BABAM2: variants seen among roughly 807,000 people sequenced by gnomAD.
The protein encoded by BABAM2 is BRISC and BRCA1-A complex member 2.
In BABAM2, 31 loss-of-function variants were observed where a neutral mutation model predicts 54.7. That is an observed-to-expected ratio of 0.57 (90% confidence interval 0.43 to 0.77). The LOEUF (loss-of-function observed/expected upper bound fraction) is 0.77, where lower values mean the gene tolerates loss of function less well. Ranked by LOEUF, BABAM2 falls within the 30% of genes least tolerant of loss-of-function variation. The pLI is 0.00. For missense variants in BABAM2, 364 were observed against 455.8 expected, an observed-to-expected ratio of 0.80 and a Z score of 1.83; for synonymous variants, 167 against 162.9, an observed-to-expected ratio of 1.03 and a Z score of -0.19.
intron 10 of BABAM2, among the ~76,000 whole-genome samples, chr2:28,245,236 G>A (rs937489157): frequency 6.6e-6 from 1 of 152,090 alleles, no homozygotes; most frequent in Non-Finnish European, 1.5e-5. Context: ...TCTCAGTATT[G>A]CCAAGCTAGA....
At chr2:27,935,993 A>G (rs1285808298) in intron 3 of BABAM2, among the ~76,000 whole-genome samples, 1 of 152,174 alleles carries the variant, frequency 6.6e-6, no homozygotes, top group Non-Finnish European at 1.5e-5. Context: ...ATCTTAGCTC[A>G]CTACAACTTC....
intron 2 of BABAM2, among the ~76,000 whole-genome samples, chr2:27,919,293 C>G (rs1667193504): frequency 6.6e-6 from 1 of 152,202 alleles, no homozygotes; most frequent in South Asian, 2.1e-4. Context: ...TTCACAGTCA[C>G]ATTTTCTGCA....
intron 3 of BABAM2, among the ~76,000 whole-genome samples, chr2:27,962,644 AT>A: frequency 6.6e-6 from 1 of 152,332 alleles, no homozygotes; most frequent in East Asian, 1.9e-4. Context: ...GAAATTTGAT[AT>A]GGTCAAAAGC....
chr2:28,079,158 T>C (rs571669526), intron 6 of BABAM2, among the ~76,000 whole-genome samples: 54 of 152,256 alleles, frequency 3.5e-4, no homozygotes, highest in Non-Finnish European at 6.6e-4. Flanking sequence ...TCAAGAACCA[T>C]TAAGTGTGCC....
chr2:28,016,194 CT>C lies in BABAM2; in HGVS notation c.301-9026del, dbSNP rs1487430737. 6 of 1,124,278 alleles carry C rather than the reference CT, an allele frequency of 5.3e-6. No individual in the cohort carries two copies. In the East Asian group the frequency reaches 1.6e-4, roughly 30 times the overall value. 69.6% of individuals were successfully genotyped at this position (1,124,278 alleles called of 1,614,324 possible). A position where few individuals can be genotyped will look rare whatever the true frequency, so the allele number is the denominator to read the frequency against. On this transcript the variant is annotated intron_variant, in intron 4 of 11. Transcript: ENST00000379624. ...AAGATGAATACTTACCAGATTTCTT[CT>C]TTTTTCTTTCTCTGTCTTTTTTTGG...
In BABAM2 at chr2:28,133,557, C is replaced by T. The variant is rs375444591; in HGVS notation, c.680+4177C>T. Among the ~76,000 whole-genome samples the T allele has an allele frequency of 5.0e-4, 76 of 152,282 alleles. No individual in the cohort carries two copies. In the East Asian group the frequency reaches 0.012, roughly 24 times the overall value. ...CCCCATCCACACTGGGTAAAAATTA[C>T]CAAGAGAAGGCTTGCATTCCCACCA... On this transcript the variant is annotated intron_variant, in intron 7 of 11. Coordinates refer to ENST00000379624, the MANE Select transcript of BABAM2 (RefSeq NM_199191.3).
At chr2:28,333,807 C>T (rs1342091445) in intron 11 of BABAM2, among the ~76,000 whole-genome samples, 5 of 152,170 alleles carry the variant, frequency 3.3e-5, no homozygotes, top group African/African-American at 9.7e-5. Context: ...CTTCACTATC[C>T]CCTAGAACAC....
intron 6 of BABAM2, among the ~76,000 whole-genome samples, chr2:28,069,703 T>C (rs1663947607): frequency 6.6e-6 from 1 of 152,222 alleles, no homozygotes; most frequent in African/African-American, 2.4e-5. Context: ...ATTGGTTGCA[T>C]GCCTTGGCTT....
intron 3 of BABAM2, among the ~76,000 whole-genome samples, chr2:27,932,057 C>G (rs1245759867): frequency 6.6e-6 from 1 of 151,952 alleles, no homozygotes; most frequent in East Asian, 1.9e-4. Context: ...TGAATTTGAC[C>G]TTGTTTTGTA....
intron 7 of BABAM2, among the ~76,000 whole-genome samples, chr2:28,141,731 C>CA (rs1671080469): frequency 6.6e-6 from 1 of 152,132 alleles, no homozygotes; most frequent in Non-Finnish European, 1.5e-5. Context: ...CCCTAGCTCT[C>CA]AGATTTTCCA....
intron 7 of BABAM2, chr2:28,233,402 G>A (rs1274750901): frequency 1.3e-5 from 5 of 379,062 alleles, no homozygotes; most frequent in Non-Finnish European, 2.1e-5. Context: ...TTTGATTCAT[G>A]AATATTAAAG....
intron 3 of BABAM2, among the ~76,000 whole-genome samples, chr2:27,980,934 G>A (rs937921858): frequency 1.3e-5 from 2 of 151,774 alleles, no homozygotes; most frequent in African/African-American, 2.4e-5. Context: ...AAGTGCTTGG[G>A]GTGATGGATA....
intron 4 of BABAM2, among the ~76,000 whole-genome samples, chr2:28,011,293 C>T (rs941730748): frequency 6.6e-6 from 1 of 152,066 alleles, no homozygotes; most frequent in African/African-American, 2.4e-5. Flanking sequence ...TTTAGTATCC[C>T]GTGTATTGTG....
At chr2:28,284,395 T>TA (rs1243975174) in intron 10 of BABAM2, among the ~76,000 whole-genome samples, 150 of 137,818 alleles carry the variant, frequency 1.1e-3, no homozygotes, top group African/African-American at 1.4e-3. Context: ...TGTGGGTCTT[T>TA]AAAAAAAAAA....
chr2:28,124,867 T>C (rs1669371129), intron 6 of BABAM2, among the ~76,000 whole-genome samples: 1 of 152,178 alleles, frequency 6.6e-6, no homozygotes, highest in African/African-American at 2.4e-5. Context: ...GAGAAGCAGT[T>C]ATAGAATCTC....
intron 7 of BABAM2, among the ~76,000 whole-genome samples, chr2:28,232,803 A>G (rs971327596): frequency 1.3e-5 from 2 of 152,232 alleles, no homozygotes; most frequent in Non-Finnish European, 2.9e-5. Context: ...GAGAGATGTG[A>G]TAATTTGCAG....
At chr2:28,187,039 T>A (rs1180974269) in intron 7 of BABAM2, among the ~76,000 whole-genome samples, 1 of 152,178 alleles carries the variant, frequency 6.6e-6, no homozygotes, top group Non-Finnish European at 1.5e-5. Flanking sequence ...TCTCCTGACC[T>A]CGTGATCTGT....
chr2:28,043,368 A>T (rs1435117753), intron 5 of BABAM2, among the ~76,000 whole-genome samples: 4 of 151,996 alleles, frequency 2.6e-5, no homozygotes, highest in Admixed American at 2.6e-4. Context: ...TGACCTTGTG[A>T]TCCGCCTGCC....
In BABAM2 at chr2:28,025,217, CT is replaced by C. The variant is rs766598061; in HGVS notation, c.301-7del. ...TTAACTGGTCTTTTATTTGTTACGA[CT>C]TCTACAGAATCTTGCCTCCTGGAAT... On this transcript the variant is annotated splice_region_variant and splice_polypyrimidine_tract_variant and intron_variant, in intron 4 of 11. Transcript: ENST00000379624. The C allele has an allele frequency of 2.5e-6, 4 of 1,576,126 alleles. No individual in the cohort carries two copies. The Admixed American group carries it at 6.0e-5, about 24-fold the overall frequency.
Sources: allele counts gnomAD v4.1 joint callset (sites outside exome capture counted in the v4.1 genomes callset), GRCh38; gene constraint gnomAD v4.1.1; transcripts MANE v1.5; gene names NCBI Gene and HGNC (gene_info 2026-07-23, HGNC 2026-07-21).